ACOT12: variants seen among roughly 807,000 people sequenced by gnomAD.
ACOT12 encodes the protein acyl-CoA thioesterase 12, also known as acetyl-coenzyme A thioesterase.
ACOT12 carries 51 observed loss-of-function variants against 67.7 expected under a neutral mutation model. The ratio of observed to expected loss-of-function variants is 0.75; its 90% CI spans 0.60 to 0.95. The LOEUF (loss-of-function observed/expected upper bound fraction) is 0.95. Ranked by LOEUF, ACOT12 falls within the 40% of genes least tolerant of loss-of-function variation. ACOT12 has a pLI of 0.00. For synonymous variants in ACOT12, 251 were observed against 244.6 expected (o/e 1.03, Z -0.24); for missense variants, 734 against 708.1 (o/e 1.04, Z -0.41).
chr5:81,322,098 T>C, the ACOT12 span, among the ~76,000 whole-genome samples: 4 of 152,036 alleles, frequency 2.6e-5, no homozygotes, highest in Non-Finnish European at 5.9e-5. Context: ...TATAATAGAA[T>C]GGGAAAGAGG....
intron 14 of ACOT12, 89 bp downstream of exon 14, chr5:81,330,725 T>C: frequency 1.9e-6 from 3 of 1,553,850 alleles, no homozygotes; most frequent in Non-Finnish European, 1.7e-6. Flanking sequence ...AATTACAAGA[T>C]TACAATTAAT....
intron 3 of ACOT12, among the ~76,000 whole-genome samples, chr5:81,366,908 A>T (rs933321220): frequency 1.3e-5 from 2 of 152,222 alleles, no homozygotes; most frequent in Non-Finnish European, 2.9e-5. Flanking sequence ...CCCGTGGAAC[A>T]CTAACAAGAA....
intron 5 of ACOT12, among the ~76,000 whole-genome samples, chr5:81,357,753 C>T (rs1235320214): frequency 6.6e-6 from 1 of 152,086 alleles, no homozygotes; most frequent in Non-Finnish European, 1.5e-5. Context: ...CACCTGTAAC[C>T]CCAGCACTTT....
intron 1 of ACOT12, 73 bp from the exon 2 acceptor site, chr5:81,385,899 A>C: frequency 7.1e-7 from 1 of 1,398,974 alleles, no homozygotes; most frequent in South Asian, 1.2e-5. Context: ...GAAAGGAATG[A>C]AATGTAAGTG....
chr5:81,328,108 T>C (rs945184096), downstream of ACOT12, among the ~76,000 whole-genome samples: 4 of 152,120 alleles, frequency 2.6e-5, no homozygotes, highest in African/African-American at 9.7e-5. Flanking sequence ...GCTTAGGGAC[T>C]TTGCCTCGCC....
chr5:81,388,482 G>C (rs1760786616), intron 1 of ACOT12, among the ~76,000 whole-genome samples: 1 of 152,132 alleles, frequency 6.6e-6, no homozygotes, highest in Admixed American at 6.6e-5. Flanking sequence ...CTGATTTCCT[G>C]GGAGAACAAA....
intron 4 of ACOT12, among the ~76,000 whole-genome samples, chr5:81,361,560 G>T (rs1759910521): frequency 6.6e-6 from 1 of 152,094 alleles, no homozygotes; most frequent in Non-Finnish European, 1.5e-5. Context: ...ATACAAGACT[G>T]CTTGGTAAAC....
chr5:81,345,960 A>T lies in ACOT12; in HGVS notation c.698T>A (p.Phe233Tyr). ...AACTGTAGATGGTCCCCGGAACTTAAACATATCTACGGACTTCAGAAAGGG... is the reference window on the plus strand; with the variant it reads ...AACTGTAGATGGTCCCCGGAACTTATACATATCTACGGACTTCAGAAAGGG... ...AHPFLKSVDM[F>Y]KFRGPSTVGD... The change falls in exon 7 of 15, where the codon TTT becomes TAT. Residue 233 changes from phenylalanine to tyrosine, a missense_variant. Phe to Tyr is a conservative substitution (Grantham distance 22). Transcript: ENST00000307624. The T allele has an allele frequency of 6.2e-7, 1 of 1,614,114 alleles. No individual in the cohort carries two copies. The highest frequency in any genetic ancestry group is 8.5e-7 in the Non-Finnish European group (1 of 1,179,964).
intron 10 of ACOT12, 151 bp from the exon 11 acceptor site, chr5:81,342,906 G>GT: frequency 5.0e-6 from 4 of 803,316 alleles, no homozygotes; most frequent in Middle Eastern, 7.7e-4. Context: ...TACAGGCCAG[G>GT]TGAAGTGGCT....
intron 2 of ACOT12, among the ~76,000 whole-genome samples, chr5:81,380,443 A>C (rs921317594): frequency 4.6e-5 from 7 of 151,974 alleles, no homozygotes; most frequent in African/African-American, 1.7e-4. Flanking sequence ...ACGTGCCTGT[A>C]ATCTCAGCTA....
chr5:81,381,871 A>C (rs1760593332), intron 2 of ACOT12, among the ~76,000 whole-genome samples: 1 of 152,248 alleles, frequency 6.6e-6, no homozygotes. Flanking sequence ...AACCACATGG[A>C]AAATGATTAT....
intron 2 of ACOT12, among the ~76,000 whole-genome samples, chr5:81,377,512 A>C (rs1222896682): frequency 3.3e-5 from 5 of 152,230 alleles, no homozygotes; most frequent in Non-Finnish European, 7.3e-5. Context: ...AGAGAAAGAA[A>C]GAAAGGGTAT....
At position 81,330,376 on chromosome 5, in the gene ACOT12, G is replaced by A. The variant is rs758450906; in HGVS notation, c.*18C>T. ...TTAAAAGTGGGAAATTAAATTACCA[G>A]TAATTGAAAGTTGACCTTTAAAATG... On this transcript the variant is annotated 3_prime_UTR_variant, in exon 15 of 15. Coordinates refer to ENST00000307624, the MANE Select transcript of ACOT12 (RefSeq NM_130767.3). 4 of 1,602,152 alleles carry A rather than the reference G, an allele frequency of 2.5e-6. No individual in the cohort carries two copies. Among genetic ancestry groups the A allele is most frequent in the South Asian group, 1.1e-5 (1 of 89,776 alleles).
At chr5:81,361,077 CAAAAAA>C (rs71000820) in intron 4 of ACOT12, among the ~76,000 whole-genome samples, 41 of 52,634 alleles carry the variant, frequency 7.8e-4, no homozygotes, top group Middle Eastern at 0.012. Flanking sequence ...GACTCCATCT[CAAAAAA>C]AAAAAAAAAA....
At chr5:81,336,517 C>T (rs1759008794) in intron 11 of ACOT12, among the ~76,000 whole-genome samples, 1 of 152,152 alleles carries the variant, frequency 6.6e-6, no homozygotes, top group African/African-American at 2.4e-5. Context: ...TTTCCTAATG[C>T]ACATTATTCC....
intron 3 of ACOT12, among the ~76,000 whole-genome samples, chr5:81,371,476 C>T (rs1271118074): frequency 6.6e-6 from 1 of 151,972 alleles, no homozygotes; most frequent in Non-Finnish European, 1.5e-5. Flanking sequence ...TGGTGTGGAA[C>T]TCCTGGTCTC....
chr5:81,314,060 A>AT, the ACOT12 span, among the ~76,000 whole-genome samples: 1 of 152,234 alleles, frequency 6.6e-6, no homozygotes. Flanking sequence ...CAGTGCAAGA[A>AT]TGTTGGTATC....
the ACOT12 span, among the ~76,000 whole-genome samples, chr5:81,312,049 C>G: frequency 6.6e-6 from 1 of 152,168 alleles, no homozygotes; most frequent in Admixed American, 6.6e-5. Flanking sequence ...TATTTACAAG[C>G]TTGTCTAGAA....
Position 81,330,461 on chromosome 5 carries a change from T to G in ACOT12, c.1601A>C (p.Glu534Ala), listed in dbSNP as rs775737799. Residue 534 changes from glutamate (E) to alanine (A), a missense_variant, in exon 15 of 15, where the codon GAA becomes GCA. By Grantham distance (107) the Glu-to-Ala change is moderately radical (BLOSUM62 -1). Transcript: ENST00000307624. ...GAACTGTATACAAGAGGCTGCTGTTTCTTCAATGGATTTTGACCAGCCACC... is the reference window on the plus strand; with the variant it reads ...GAACTGTATACAAGAGGCTGCTGTTGCTTCAATGGATTTTGACCAGCCACC... ...NLGGWSKSIE[E>A]TAASCIQFLE... 6.2e-7 allele frequency: 1 copy of G among 1,614,178 alleles called. No individual in the cohort carries two copies. The highest frequency in any genetic ancestry group is 1.7e-5 in the Admixed American group (1 of 60,024).
Sources: gnomAD v4.1 joint callset for allele counts (sites outside exome capture counted in the v4.1 genomes callset) on GRCh38, gnomAD v4.1.1 for gene constraint, MANE v1.5 for transcripts, NCBI Gene and HGNC (gene_info 2026-07-23, HGNC 2026-07-21) for gene names.